Variants in ASTN2 observed in about 807,000 individuals in gnomAD.
The protein encoded by ASTN2 is astrotactin 2, also known as astrotactin-2.
ASTN2 carries 54 observed loss-of-function variants against 139.8 expected under a neutral mutation model. The observed-to-expected ratio is 0.39, with a 90% confidence interval of 0.31 to 0.48. The LOEUF (loss-of-function observed/expected upper bound fraction) is 0.48, where lower values mean the gene tolerates loss of function less well. ASTN2 is among the 20% of genes least tolerant of loss of function. The pLI, the probability that ASTN2 is intolerant of heterozygous loss-of-function variation, is 0.95. For synonymous variants in ASTN2, 756 were observed against 719.5 expected (o/e 1.05, Z -0.81); for missense variants, 1,565 against 1,725.1 (o/e 0.91, Z 1.64).
At chr9:116,443,300 C>A (rs1372430950) in intron 20 of ASTN2, among the ~76,000 whole-genome samples, 1 of 152,072 alleles carries the variant, frequency 6.6e-6, no homozygotes, top group East Asian at 1.9e-4. Context: ...GGAAAGGAGC[C>A]CAGACGGTTG....
At chr9:116,643,222 CTTCTA>C (rs1857425482) in intron 17 of ASTN2, among the ~76,000 whole-genome samples, 1 of 152,064 alleles carries the variant, frequency 6.6e-6, no homozygotes, top group Admixed American at 6.6e-5. Context: ...AGGTTTTATT[CTTCTA>C]TTCTTCTATT....
chr9:117,267,516 A>T (rs1289981489), intron 2 of ASTN2, among the ~76,000 whole-genome samples: 1 of 152,212 alleles, frequency 6.6e-6, no homozygotes, highest in African/African-American at 2.4e-5. Flanking sequence ...TTTATGAAAG[A>T]TATTAACACT....
intron 1 of ASTN2, among the ~76,000 whole-genome samples, chr9:117,380,482 G>C (rs1830238223): frequency 6.6e-6 from 1 of 151,736 alleles, no homozygotes; most frequent in African/African-American, 2.4e-5. Flanking sequence ...TTGTGCGCCT[G>C]CAGTCCCAGC....
At chr9:117,408,705 G>A (rs1181874673) in intron 1 of ASTN2, among the ~76,000 whole-genome samples, 2 of 152,124 alleles carry the variant, frequency 1.3e-5, no homozygotes, top group Non-Finnish European at 2.9e-5. Context: ...ATCTGCCTAG[G>A]TTGGTATCAC....
At chr9:116,755,995 G>C (rs1486103760) in intron 13 of ASTN2, among the ~76,000 whole-genome samples, 2 of 152,186 alleles carry the variant, frequency 1.3e-5, no homozygotes, top group African/African-American at 4.8e-5. Context: ...GACTCAATTT[G>C]GTTGTTGCCT....
intron 5 of ASTN2, among the ~76,000 whole-genome samples, chr9:117,042,729 G>A (rs1838615887): frequency 6.6e-6 from 1 of 152,072 alleles, no homozygotes; most frequent in Admixed American, 6.5e-5. Context: ...CTACTAAAAA[G>A]AATATGGACC....
intron 3 of ASTN2, among the ~76,000 whole-genome samples, chr9:117,199,399 T>G (rs1483096934): frequency 6.6e-6 from 1 of 152,242 alleles, no homozygotes; most frequent in Non-Finnish European, 1.5e-5. Flanking sequence ...CCATTCCTTT[T>G]TTTGTCAGTT....
intron 4 of ASTN2, among the ~76,000 whole-genome samples, chr9:117,098,646 G>T (rs1196338819): frequency 1.3e-5 from 2 of 152,098 alleles, no homozygotes; most frequent in Non-Finnish European, 2.9e-5. Context: ...GCCAGATGCA[G>T]TTCTCCATTT....
intron 10 of ASTN2, among the ~76,000 whole-genome samples, chr9:116,946,397 A>C (rs1268957971): frequency 2.0e-5 from 3 of 152,148 alleles, no homozygotes; most frequent in African/African-American, 2.4e-5. Flanking sequence ...AAGGGTATGC[A>C]TGTTTATTCC....
intron 13 of ASTN2, among the ~76,000 whole-genome samples, chr9:116,745,779 C>T (rs960532183): frequency 2.0e-4 from 30 of 152,154 alleles, no homozygotes; most frequent in East Asian, 1.9e-4. Context: ...GCAGCCAGAA[C>T]GATTTTCTGA....
intron 3 of ASTN2, among the ~76,000 whole-genome samples, chr9:117,145,409 G>T (rs1025566998): frequency 6.6e-6 from 1 of 152,156 alleles, no homozygotes; most frequent in Non-Finnish European, 1.5e-5. Context: ...TGTGTCACCC[G>T]CTCCTTGTTA....
chr9:117,037,144 C>A (rs1838406290), intron 6 of ASTN2, among the ~76,000 whole-genome samples: 1 of 151,832 alleles, frequency 6.6e-6, no homozygotes, highest in South Asian at 2.1e-4. Flanking sequence ...ATATTTCTCC[C>A]CAAAGACATA....
In ASTN2 at chr9:116,772,028, TG is replaced by T. The variant is rs149758321; in HGVS notation, c.2396+33603del. On this transcript the variant is annotated intron_variant, in intron 13 of 22. Transcript: ENST00000313400. ...ATCCATCCTGATTGCCTGGCAGCCA[TG>T]CCATTATATTTACAAAATATATTAA... Among the ~76,000 whole-genome samples the T allele has an allele frequency of 2.5e-3, 381 of 152,352 alleles. 2 individuals are homozygous for T. The highest frequency in any genetic ancestry group is 8.5e-3 in the African/African-American group (353 of 41,578).
intron 11 of ASTN2, among the ~76,000 whole-genome samples, chr9:116,825,772 A>G (rs1430658429): frequency 1.3e-5 from 2 of 152,218 alleles, no homozygotes; most frequent in African/African-American, 4.8e-5. Flanking sequence ...TTGGCCTGAC[A>G]TACGAAGTGC....
intron 4 of ASTN2, among the ~76,000 whole-genome samples, chr9:117,140,042 A>T (rs1291685046): frequency 6.6e-6 from 1 of 152,226 alleles, no homozygotes; most frequent in Non-Finnish European, 1.5e-5. Context: ...TTTGTACCTT[A>T]GTGAAATTAT....
intron 10 of ASTN2, among the ~76,000 whole-genome samples, chr9:116,897,790 C>G (rs751217911): frequency 4.6e-5 from 7 of 151,928 alleles, no homozygotes; most frequent in African/African-American, 1.7e-4. Flanking sequence ...CACATTACAG[C>G]ATTCCTATGG....
At chr9:117,134,127 C>T (rs1829886790) in intron 4 of ASTN2, among the ~76,000 whole-genome samples, 1 of 150,704 alleles carries the variant, frequency 6.6e-6, no homozygotes, top group Non-Finnish European at 1.5e-5. Flanking sequence ...ACCAAAGAAA[C>T]AAAGGAAGAT....
At position 116,580,129 on chromosome 9, in the gene ASTN2, A is replaced by G. The variant is rs1311538953; in HGVS notation, c.3355+38195T>C. 3.3e-5 allele frequency among the ~76,000 whole-genome samples: 5 copies of G among 152,188 alleles called. No individual in the cohort carries two copies. In the East Asian group the frequency reaches 7.7e-4, roughly 23 times the overall value. On this transcript the variant is annotated intron_variant, in intron 19 of 22. Transcript: ENST00000313400. ...GCCCCCGCACCCGGCCAGTCACATT[A>G]TCTTTAAAGTAAGAAAGTTAGAAGA... is the stretch of plus-strand genomic sequence containing the variant.
chr9:116,654,619 A>C (rs1858105180), intron 16 of ASTN2, among the ~76,000 whole-genome samples: 1 of 152,236 alleles, frequency 6.6e-6, no homozygotes, highest in South Asian at 2.1e-4. Context: ...ATTTTAAAGA[A>C]GAGAAAAGTG....
Sources: allele counts gnomAD v4.1 joint callset (sites outside exome capture counted in the v4.1 genomes callset), GRCh38; gene constraint gnomAD v4.1.1; transcripts MANE v1.5; gene names NCBI Gene and HGNC (gene_info 2026-07-23, HGNC 2026-07-21).